SLC9A9: variants seen among roughly 807,000 people sequenced by gnomAD.
SLC9A9 encodes the protein sodium/hydrogen exchanger 9.
A neutral mutation model predicts 77.8 loss-of-function variants in SLC9A9; 62 were observed. The observed-to-expected ratio is 0.80, with a 90% CI of 0.65 to 0.98. The LOEUF (loss-of-function observed/expected upper bound fraction) is 0.98, where lower values mean the gene tolerates loss of function less well. Among genes scored for constraint, SLC9A9 ranks in the 50% least tolerant of loss-of-function variants. The pLI is 0.00. For missense variants in SLC9A9, 775 were observed against 774.9 expected (o/e 1.00, Z 0.00); for synonymous variants, 320 against 283.5 (o/e 1.13, Z -1.29).
In SLC9A9 at chr3:143,301,803, C is replaced by T. The variant is rs149776698; in HGVS notation, c.1605-32823G>A. Among the ~76,000 whole-genome samples, 197 of 152,312 alleles carry T rather than the reference C, an allele frequency of 1.3e-3. 3 individuals are homozygous for T. Among genetic ancestry groups the T allele is most frequent in the Middle Eastern group, 3.4e-3 (1 of 294 alleles). On this transcript the variant is annotated intron_variant, in intron 14 of 15. Coordinates refer to ENST00000316549, the MANE Select transcript of SLC9A9 (RefSeq NM_173653.4). The stretch of plus-strand genomic sequence containing the variant: ...TGGTGTTTTTCAGTTAGTGTCTTCC[C>T]AACCACATTTCTAAGCCCACCCAAA...
chr3:143,588,588 A>G (rs13075132), intron 6 of SLC9A9, among the ~76,000 whole-genome samples: 1,731 of 152,340 alleles, frequency 0.011, 34 homozygotes, highest in Non-Finnish European at 0.014. Context: ...TATGAATTAT[A>G]TGTGCATTTT....
intron 5 of SLC9A9, among the ~76,000 whole-genome samples, chr3:143,680,414 A>G (rs1057031895): frequency 2.0e-5 from 3 of 152,186 alleles, no homozygotes; most frequent in Non-Finnish European, 4.4e-5. Flanking sequence ...AAAAAAATCT[A>G]GGAGGAAGAA....
intron 4 of SLC9A9, among the ~76,000 whole-genome samples, chr3:143,781,279 G>T (rs911175135): frequency 6.6e-6 from 1 of 152,078 alleles, no homozygotes; most frequent in African/African-American, 2.4e-5. Context: ...CCATAAAAAT[G>T]CCTTGCTAAC....
At chr3:143,274,279 C>G (rs111641784) in intron 14 of SLC9A9, among the ~76,000 whole-genome samples, 1 of 152,270 alleles carries the variant, frequency 6.6e-6, no homozygotes, top group South Asian at 2.1e-4. Context: ...ATACTGTACC[C>G]TACACCCTTT....
At chr3:143,666,410 T>G (rs574912060) in intron 5 of SLC9A9, among the ~76,000 whole-genome samples, 5 of 152,154 alleles carry the variant, frequency 3.3e-5, no homozygotes, top group Non-Finnish European at 7.3e-5. Flanking sequence ...AAGCATTCCC[T>G]CTGAAAACTG....
intron 12 of SLC9A9, among the ~76,000 whole-genome samples, chr3:143,442,836 TA>T (rs1344285434): frequency 6.6e-6 from 1 of 152,166 alleles, no homozygotes; most frequent in Non-Finnish European, 1.5e-5. Flanking sequence ...TGCTTAGGCA[TA>T]AAACAAGATG....
At chr3:143,270,142 A>C (rs552804915) in intron 14 of SLC9A9, among the ~76,000 whole-genome samples, 2 of 152,316 alleles carry the variant, frequency 1.3e-5, no homozygotes, top group East Asian at 3.9e-4. Context: ...CAAATAGAAA[A>C]GTTGATCCCT....
At chr3:143,486,739 A>C (rs1278352535) in intron 11 of SLC9A9, among the ~76,000 whole-genome samples, 1 of 152,074 alleles carries the variant, frequency 6.6e-6, no homozygotes, top group Non-Finnish European at 1.5e-5. Flanking sequence ...TAGGATCTTA[A>C]GTGTAATCTC....
intron 4 of SLC9A9, among the ~76,000 whole-genome samples, chr3:143,791,975 AGCACGTTTTTG>A (rs1300421494): frequency 6.6e-6 from 1 of 152,246 alleles, no homozygotes; most frequent in Admixed American, 6.5e-5. Flanking sequence ...ACAGAAGTAA[AGCACGTTTTTG>A]GCATTAATTA....
chr3:143,350,358 A>G (rs1294280097), intron 14 of SLC9A9, among the ~76,000 whole-genome samples: 2 of 152,220 alleles, frequency 1.3e-5, no homozygotes, highest in Admixed American at 6.5e-5. Flanking sequence ...TTTCTAAAAC[A>G]AGACTATGTC....
intron 2 of SLC9A9, among the ~76,000 whole-genome samples, chr3:143,809,055 T>C (rs981650045): frequency 6.6e-6 from 1 of 152,228 alleles, no homozygotes; most frequent in Non-Finnish European, 1.5e-5. Flanking sequence ...TATTGATCTA[T>C]TTTTATGAGG....
At chr3:143,335,768 A>C (rs992755394) in intron 14 of SLC9A9, among the ~76,000 whole-genome samples, 1 of 152,294 alleles carries the variant, frequency 6.6e-6, no homozygotes, top group African/African-American at 2.4e-5. Context: ...ACTCAAAATG[A>C]ATCAAGGACC....
At chr3:143,520,829 C>T (rs1373627128) in intron 9 of SLC9A9, among the ~76,000 whole-genome samples, 2 of 152,156 alleles carry the variant, frequency 1.3e-5, no homozygotes, top group East Asian at 3.9e-4. Context: ...CCCCACAGGA[C>T]CACTGATGTT....
intron 6 of SLC9A9, among the ~76,000 whole-genome samples, chr3:143,651,204 C>T (rs1187961649): frequency 6.6e-6 from 1 of 152,006 alleles, no homozygotes; most frequent in Non-Finnish European, 1.5e-5. Flanking sequence ...GTGAATCTGC[C>T]CATGGCTTTT....
intron 2 of SLC9A9, among the ~76,000 whole-genome samples, chr3:143,802,740 G>T (rs1263508387): frequency 6.6e-6 from 1 of 152,068 alleles, no homozygotes; most frequent in Non-Finnish European, 1.5e-5. Flanking sequence ...ATAGACTAAT[G>T]GTCTTTTAAA....
intron 14 of SLC9A9, among the ~76,000 whole-genome samples, chr3:143,328,457 G>A (rs16853428): frequency 0.31 from 46,481 of 152,108 alleles, 8,132 homozygotes; most frequent in African/African-American, 0.48. Context: ...AAAGAGGCAT[G>A]TAAACTTCCA....
intron 2 of SLC9A9, among the ~76,000 whole-genome samples, chr3:143,797,957 C>T (rs865961886): frequency 5.3e-5 from 8 of 152,144 alleles, no homozygotes; most frequent in East Asian, 1.9e-4. Context: ...TGCCATGACT[C>T]GGATCAGGGG....
chr3:143,398,994 T>C (rs1239402330), intron 12 of SLC9A9, among the ~76,000 whole-genome samples: 1 of 115,370 alleles, frequency 8.7e-6, no homozygotes, highest in Non-Finnish European at 1.8e-5. Flanking sequence ...ATTTGTTGTA[T>C]ACACACACAC....
chr3:143,844,056 A>G (rs2009770399), intron 1 of SLC9A9, among the ~76,000 whole-genome samples: 1 of 152,192 alleles, frequency 6.6e-6, no homozygotes, highest in African/African-American at 2.4e-5. Flanking sequence ...ACCCTTAATA[A>G]TAAGAAAAAC....
Sources: gnomAD v4.1 joint callset for allele counts (sites outside exome capture counted in the v4.1 genomes callset) on GRCh38, gnomAD v4.1.1 for gene constraint, MANE v1.5 for transcripts, NCBI Gene and HGNC (gene_info 2026-07-23, HGNC 2026-07-21) for gene names.